LAPTM5: variants seen among roughly 807,000 people sequenced by gnomAD.
LAPTM5 encodes the protein lysosomal-associated transmembrane protein 5.
In LAPTM5, 11 loss-of-function variants were observed where a neutral mutation model predicts 30.1. The observed-to-expected ratio is 0.37, with a 90% CI of 0.23 to 0.60. LAPTM5 has a LOEUF of 0.60. LAPTM5 is among the 20% of genes least tolerant of loss of function. The pLI, the probability that LAPTM5 is intolerant of heterozygous loss-of-function variation, is 0.71. For missense variants in LAPTM5, 324 were observed against 332.5 expected (o/e 0.97, Z 0.20); for synonymous variants, 151 against 137.9 (o/e 1.10, Z -0.67).
At position 30,739,731 on chromosome 1, in the gene LAPTM5, C is replaced by T. The variant is rs11586791; in HGVS notation, c.387+78G>A. On this transcript the variant is annotated intron_variant, in intron 4 of 7. Coordinates refer to ENST00000294507, the MANE Select transcript of LAPTM5 (RefSeq NM_006762.3). The surrounding 1 kb of genome is among the most constrained non-coding windows in gnomAD (Gnocchi z 4.2). ...ACCCTCCCCAGCCTGAGCACAGGGC[C>T]CGTGTCTGGTCCCCTCCCATCTCCC... The T allele has an allele frequency of 0.019, 28,208 of 1,464,612 alleles. 309 individuals carry two copies. The highest frequency in any genetic ancestry group is 0.023 in the South Asian group (1,633 of 70,692). The allele number at this position is 1,464,612 out of a possible 1,614,324, so 90.7% of individuals were successfully genotyped here.
At chr1:30,740,317 A>T (rs1639949711) in intron 3 of LAPTM5, among the ~76,000 whole-genome samples, 1 of 152,010 alleles carries the variant, frequency 6.6e-6, no homozygotes, top group Non-Finnish European at 1.5e-5. Context: ...GAAGGAGACT[A>T]GGAGTGAACA....
intron 1 of LAPTM5, among the ~76,000 whole-genome samples, chr1:30,748,172 C>T (rs1194453209): frequency 6.6e-6 from 1 of 152,124 alleles, no homozygotes; most frequent in Non-Finnish European, 1.5e-5. Context: ...ACCCAGCCGT[C>T]AGTGAGCACA....
rs762072505 is a variant in LAPTM5, at chr1:30,739,850, C to T, written c.346G>A (p.Glu116Lys). Reference protein sequence around the residue: ...CLLTLLGSYIELPAYLKLASR... With the variant: ...CLLTLLGSYIKLPAYLKLASR... ...GCCAACTTGAGGTAGGCGGGCAGCTCAATGTAGGAGCCCAGCAGGGTGAGC... is the reference window on the plus strand; with the variant it reads ...GCCAACTTGAGGTAGGCGGGCAGCTTAATGTAGGAGCCCAGCAGGGTGAGC... The change falls in exon 4 of 8, where the codon GAG becomes AAG. Residue 116 changes from glutamate (E) to lysine (K), a missense_variant. Coordinates refer to ENST00000294507, the MANE Select transcript of LAPTM5 (RefSeq NM_006762.3). This position sits in a 1 kb window ranked among gnomAD's most constrained non-coding sequence, Gnocchi z 4.2. 5.0e-6 allele frequency: 8 copies of T among 1,607,362 alleles called. No individual in the cohort carries two copies. The Admixed American group carries it at 1.4e-4, about 27-fold the overall frequency.
rs1379871297 is a variant in LAPTM5 at position 30,737,598 on chromosome 1, A to G, written c.606+6T>C. 1 of 1,606,756 alleles carries G rather than the reference A, an allele frequency of 6.2e-7. No homozygotes were observed. The highest frequency in any genetic ancestry group is 1.1e-5 in the South Asian group (1 of 90,614). On this transcript the variant is annotated splice_donor_region_variant and intron_variant, in intron 6 of 7. Coordinates refer to ENST00000294507, the MANE Select transcript of LAPTM5 (RefSeq NM_006762.3). Reference sequence around the variant, plus strand: ...TCCCAGAGCCGCAGGGCAGGGATCCACTCACCTTGAAGATAAGGACAGTGA... The same window carrying G: ...TCCCAGAGCCGCAGGGCAGGGATCCGCTCACCTTGAAGATAAGGACAGTGA...
chr1:30,750,272 T>C (rs374051098), intron 1 of LAPTM5, among the ~76,000 whole-genome samples: 28 of 152,244 alleles, frequency 1.8e-4, no homozygotes, highest in East Asian at 9.6e-4. Context: ...CCCCAAACGA[T>C]TCCCTAAAAC....
rs759669634 is a variant in LAPTM5 at position 30,734,305 on chromosome 1, C to T, written c.700-388G>A. On this transcript the variant is annotated intron_variant, in intron 7 of 7. Transcript: ENST00000294507. The stretch of plus-strand genomic sequence containing the variant: ...ATAGTCCTTGGTTTGGGGATAGGCA[C>T]GTGGCCCAAGTTGGTCCAATCAGAC... Among the ~76,000 whole-genome samples the T allele has an allele frequency of 1.4e-4, 21 of 152,260 alleles. No homozygotes were observed. The East Asian group carries it at 1.9e-3, about 14-fold the overall frequency.
chr1:30,754,400 G>T (rs1321511785), intron 1 of LAPTM5, among the ~76,000 whole-genome samples: 1 of 152,094 alleles, frequency 6.6e-6, no homozygotes, highest in East Asian at 1.9e-4. Flanking sequence ...GCTGGCCATG[G>T]TGGCATGCGC....
Position 30,742,526 on chromosome 1 carries a change from G to C in LAPTM5, c.111C>G (p.Ile37Met). The stretch of plus-strand genomic sequence containing the variant: ...CATGGGCCACCTCTACTGAGTGCTC[G>C]ATGAACAACAAGACGCTCATGATCT... ...YHVIMSVLLFIEHSVEVAHGK... is the reference protein window; with the variant it reads ...YHVIMSVLLFMEHSVEVAHGK... The change falls in exon 2 of 8, where the codon ATC becomes ATG. Residue 37 changes from isoleucine (I) to methionine (M), a missense_variant. By Grantham distance (10) the Ile-to-Met change is conservative. Coordinates refer to ENST00000294507, the MANE Select transcript of LAPTM5 (RefSeq NM_006762.3). 1 of 1,613,534 alleles carries C rather than the reference G, an allele frequency of 6.2e-7. No homozygotes were observed. The highest frequency in any genetic ancestry group is 8.5e-7 in the Non-Finnish European group (1 of 1,179,854).
In LAPTM5 at chr1:30,733,528, T is replaced by C. The variant is rs1639842617; in HGVS notation, c.*300A>G. 6.9e-7 allele frequency: 1 copy of C among 1,450,648 alleles called. No individual in the cohort carries two copies. The highest frequency in any genetic ancestry group is 9.1e-7 in the Non-Finnish European group (1 of 1,093,268). The allele number at this position is 1,450,648 out of a possible 1,614,324, so 89.9% of individuals were successfully genotyped here. ...TCAAGTCGATAGTTGCTTGACAAAC[T>C]CACCAACTTTAGAATGGCCAATCGT... On this transcript the variant is annotated 3_prime_UTR_variant, in exon 8 of 8. Coordinates refer to ENST00000294507, the MANE Select transcript of LAPTM5 (RefSeq NM_006762.3).
intron 1 of LAPTM5, among the ~76,000 whole-genome samples, chr1:30,749,637 C>G (rs764679300): frequency 6.6e-6 from 1 of 152,166 alleles, no homozygotes; most frequent in African/African-American, 2.4e-5. Flanking sequence ...ACACAGGGCT[C>G]TGGGTCAACA....
rs1078610 is a variant in LAPTM5, at chr1:30,740,761, A to C, written c.259-824T>G. Among the ~76,000 whole-genome samples, 1,234 of 152,260 alleles carry C rather than the reference A, an allele frequency of 8.1e-3. 18 individuals carry two copies. Among genetic ancestry groups the C allele is most frequent in the Non-Finnish European group, 7.9e-3 (535 of 68,000 alleles). On this transcript the variant is annotated intron_variant, in intron 3 of 7. Coordinates refer to ENST00000294507, the MANE Select transcript of LAPTM5 (RefSeq NM_006762.3). Reference sequence around the variant, plus strand: ...ACAAGCACCCACAGCCACCCTGCACAAGGCAAACGGCCTCCCCAGGCAGCA... The same window carrying C: ...ACAAGCACCCACAGCCACCCTGCACCAGGCAAACGGCCTCCCCAGGCAGCA...
chr1:30,747,342 A>T (rs1048125661), intron 1 of LAPTM5, among the ~76,000 whole-genome samples: 2 of 152,160 alleles, frequency 1.3e-5, no homozygotes, highest in African/African-American at 2.4e-5. Flanking sequence ...CCAGCGGGGA[A>T]ATATGGCCCA....
chr1:30,750,897 G>A lies in LAPTM5; in HGVS notation c.87+6762C>T, dbSNP rs573483338. Among the ~76,000 whole-genome samples the A allele has an allele frequency of 1.1e-3, 168 of 152,350 alleles. 1 individual carries two copies. The highest frequency in any genetic ancestry group is 3.9e-3 in the African/African-American group (162 of 41,588). Reference sequence around the variant, plus strand: ...GGGTGCCTTGTCCCAAGCAGCCCCTGTGCAGGGCTGAGGCAGTGCAGCTCA... The same window carrying A: ...GGGTGCCTTGTCCCAAGCAGCCCCTATGCAGGGCTGAGGCAGTGCAGCTCA... On this transcript the variant is annotated intron_variant, in intron 1 of 7. Coordinates refer to ENST00000294507, the MANE Select transcript of LAPTM5 (RefSeq NM_006762.3).
At chr1:30,735,644 G>A (rs1297905814) in intron 6 of LAPTM5, among the ~76,000 whole-genome samples, 1 of 152,194 alleles carries the variant, frequency 6.6e-6, no homozygotes, top group Non-Finnish European at 1.5e-5. Flanking sequence ...CTTCAAAATT[G>A]CTTCCGATAT....
chr1:30,754,374 A>C (rs1226977179), intron 1 of LAPTM5, among the ~76,000 whole-genome samples: 1 of 152,166 alleles, frequency 6.6e-6, no homozygotes, highest in African/African-American at 2.4e-5. Flanking sequence ...TCTACAAAAA[A>C]AAATATTTAA....
intron 3 of LAPTM5, 71 bp from the exon 4 acceptor site, chr1:30,740,008 C>A: frequency 6.8e-7 from 1 of 1,461,250 alleles, no homozygotes; most frequent in Non-Finnish European, 9.1e-7. Flanking sequence ...AGCCTGATAT[C>A]CTCATGCATC....
chr1:30,740,954 T>C (rs1260813422), intron 3 of LAPTM5, among the ~76,000 whole-genome samples: 1 of 152,208 alleles, frequency 6.6e-6, no homozygotes, highest in African/African-American at 2.4e-5. Flanking sequence ...CCTACTCCCA[T>C]GGCTATGTGG....
Position 30,746,679 on chromosome 1 carries a change from G to A in LAPTM5, c.88-4130C>T, listed in dbSNP as rs1640050837. ...CCCACTGTCCCTTCATTCTATGCTG[G>A]TGAGATCATGAAGATAAGAGCTCGG... is the stretch of plus-strand genomic sequence containing the variant. On this transcript the variant is annotated intron_variant, in intron 1 of 7. Coordinates refer to ENST00000294507, the MANE Select transcript of LAPTM5 (RefSeq NM_006762.3). The surrounding 1 kb of genome is among the most constrained non-coding windows in gnomAD (Gnocchi z 4.0). Among the ~76,000 whole-genome samples the A allele has an allele frequency of 6.6e-6, 1 of 152,104 alleles. No individual in the cohort carries two copies. The highest frequency in any genetic ancestry group is 6.5e-5 in the Admixed American group (1 of 15,284).
intron 3 of LAPTM5, 52 bp downstream of exon 3, chr1:30,741,588 G>A (rs1294758219): frequency 5.7e-6 from 8 of 1,404,468 alleles, no homozygotes; most frequent in Non-Finnish European, 7.8e-6. Flanking sequence ...CACCACCAGT[G>A]GGTGTGAATA....
Sources: gnomAD v4.1 joint callset for allele counts (sites outside exome capture counted in the v4.1 genomes callset) on GRCh38, gnomAD v4.1.1 for gene constraint, Gnocchi (gnomAD v3.1) non-coding constraint, MANE v1.5 for transcripts, NCBI Gene and HGNC (gene_info 2026-07-23, HGNC 2026-07-21) for gene names.